KIRREL3: variants seen among roughly 807,000 people sequenced by gnomAD.
KIRREL3 encodes the protein kin of IRRE-like protein 3.
A neutral mutation model predicts 89.7 loss-of-function variants in KIRREL3; 36 were observed. The observed-to-expected ratio is 0.40, with a 90% CI of 0.31 to 0.53. The LOEUF (loss-of-function observed/expected upper bound fraction) is 0.53. KIRREL3 is among the 20% of genes least tolerant of loss of function. The pLI is 0.49. For synonymous variants in KIRREL3, 445 were observed against 441.4 expected, an observed-to-expected ratio of 1.01 and a Z score of -0.10; for missense variants, 864 against 1,056.6, an observed-to-expected ratio of 0.82 and a Z score of 2.53.
chr11:126,437,588 C>A (rs1955405107), intron 11 of KIRREL3, among the ~76,000 whole-genome samples: 1 of 152,172 alleles, frequency 6.6e-6, no homozygotes, highest in Non-Finnish European at 1.5e-5. Flanking sequence ...GTGCACATGT[C>A]ACAACATGCA....
rs1486173980 is a variant in KIRREL3 at position 126,843,404 on chromosome 11, T to G, written c.55+157051A>C. Among the ~76,000 whole-genome samples the G allele has an allele frequency of 1.3e-5, 2 of 151,668 alleles. No homozygotes were observed. The highest frequency in any genetic ancestry group is 2.9e-5 in the Non-Finnish European group (2 of 67,932). On this transcript the variant is annotated intron_variant, in intron 1 of 16. Coordinates refer to ENST00000525144, the MANE Select transcript of KIRREL3 (RefSeq NM_032531.4). This position sits in a 1 kb window ranked among gnomAD's most constrained non-coding sequence, Gnocchi z 4.6. ...AGTGAGATTTCATGGGAGGTTGGAG[T>G]GGGTGAGCTCACTCACTCTGCCGTA...
At chr11:126,465,715 G>C (rs979286290) in intron 5 of KIRREL3, among the ~76,000 whole-genome samples, 1 of 152,202 alleles carries the variant, frequency 6.6e-6, no homozygotes, top group African/African-American at 2.4e-5. Flanking sequence ...GGCTGGAGGA[G>C]AGTGACGTGG....
At position 126,477,127 on chromosome 11, in the gene KIRREL3, C is replaced by T. The variant is rs964797752; in HGVS notation, c.434-3661G>A. Among the ~76,000 whole-genome samples the T allele has an allele frequency of 3.3e-5, 5 of 152,266 alleles. No homozygotes were observed. Among genetic ancestry groups the T allele is most frequent in the Non-Finnish European group, 5.9e-5 (4 of 68,048 alleles). ...TGGAAGCCAGCCTAAGAGGCCACAG[C>T]GCGGCCTTAGCCGGGGGTGGCTGAG... On this transcript the variant is annotated intron_variant, in intron 4 of 16. Coordinates refer to ENST00000525144, the MANE Select transcript of KIRREL3 (RefSeq NM_032531.4). This position sits in a 1 kb window ranked among gnomAD's most constrained non-coding sequence, Gnocchi z 4.8.
In KIRREL3 at chr11:126,771,079, C is replaced by T. The variant is rs543416635; in HGVS notation, c.56-208167G>A. Reference sequence around the variant, plus strand: ...TTGAACTCCTGACCTCAGGGTGATCCGCTTGCCTTGGCATCCCAAAGTCCT... The same window carrying T: ...TTGAACTCCTGACCTCAGGGTGATCTGCTTGCCTTGGCATCCCAAAGTCCT... On this transcript the variant is annotated intron_variant, in intron 1 of 16. Coordinates refer to ENST00000525144, the MANE Select transcript of KIRREL3 (RefSeq NM_032531.4). This position sits in a 1 kb window ranked among gnomAD's most constrained non-coding sequence, Gnocchi z 4.4. Among the ~76,000 whole-genome samples the T allele has an allele frequency of 1.8e-4, 28 of 152,152 alleles. No individual in the cohort carries two copies. The highest frequency in any genetic ancestry group is 6.5e-4 in the African/African-American group (27 of 41,422).
At chr11:126,722,360 T>C (rs1402863155) in intron 1 of KIRREL3, among the ~76,000 whole-genome samples, 1 of 152,264 alleles carries the variant, frequency 6.6e-6, no homozygotes, top group African/African-American at 2.4e-5. Flanking sequence ...TTTTCCCTAC[T>C]GAAATTTGAA....
chr11:126,524,298 G>A (rs562064307), intron 3 of KIRREL3, among the ~76,000 whole-genome samples: 2 of 152,324 alleles, frequency 1.3e-5, no homozygotes, highest in African/African-American at 4.8e-5. Context: ...GTCTATAAAT[G>A]CCAATTTAAA....
chr11:126,841,117 T>A (rs1943949977), intron 1 of KIRREL3, among the ~76,000 whole-genome samples: 1 of 152,152 alleles, frequency 6.6e-6, no homozygotes, highest in Non-Finnish European at 1.5e-5. Context: ...AAGAACATAG[T>A]GTATATAGGG....
chr11:126,902,364 A>C (rs1946407056), intron 1 of KIRREL3, among the ~76,000 whole-genome samples: 1 of 152,218 alleles, frequency 6.6e-6, no homozygotes, highest in Admixed American at 6.5e-5. Flanking sequence ...GCTTACATTT[A>C]TTCCAATTCT....
Position 126,990,670 on chromosome 11 carries a change from T to C in KIRREL3, c.55+9785A>G, listed in dbSNP as rs1233764926. Among the ~76,000 whole-genome samples, 1 of 152,154 alleles carries C rather than the reference T, an allele frequency of 6.6e-6. No individual in the cohort carries two copies. The highest frequency in any genetic ancestry group is 1.9e-4 in the East Asian group (1 of 5,184). On this transcript the variant is annotated intron_variant, in intron 1 of 16. Transcript: ENST00000525144. The surrounding 1 kb of genome is among the most constrained non-coding windows in gnomAD (Gnocchi z 6.3). The stretch of plus-strand genomic sequence containing the variant: ...TCCTCTCTGCCTCCGCAGTTGCCCC[T>C]CACTCAGGTGCAGCTTCCTATGTAA...
intron 4 of KIRREL3, among the ~76,000 whole-genome samples, chr11:126,487,836 A>T (rs1467077947): frequency 6.6e-6 from 1 of 152,230 alleles, no homozygotes; most frequent in Non-Finnish European, 1.5e-5. Flanking sequence ...AGACAACTCC[A>T]GAGTGGAACT....
At chr11:126,951,295 C>T (rs1174252989) in intron 1 of KIRREL3, among the ~76,000 whole-genome samples, 1 of 152,160 alleles carries the variant, frequency 6.6e-6, no homozygotes, top group Admixed American at 6.5e-5. Flanking sequence ...CGAGTACATC[C>T]GTTGAGATGC....
At position 126,490,792 on chromosome 11, in the gene KIRREL3, G is replaced by GCGAGT. The variant is rs1167991085; in HGVS notation, c.434-17331_434-17327dup. Among the ~76,000 whole-genome samples the GCGAGT allele has an allele frequency of 2.6e-5, 4 of 152,066 alleles. No individual in the cohort carries two copies. Among genetic ancestry groups the GCGAGT allele is most frequent in the Non-Finnish European group, 5.9e-5 (4 of 68,028 alleles). ...AATGGGTCTGCCTTCTTCATCTCTTGCGAGTCTGGGACTCCAAGGGCCGAG... is the reference window on the plus strand; with the variant it reads ...AATGGGTCTGCCTTCTTCATCTCTTGCGAGTCGAGTCTGGGACTCCAAGGGCCGAG... On this transcript the variant is annotated intron_variant, in intron 4 of 16. Coordinates refer to ENST00000525144, the MANE Select transcript of KIRREL3 (RefSeq NM_032531.4). This position sits in a 1 kb window ranked among gnomAD's most constrained non-coding sequence, Gnocchi z 4.2.
chr11:126,537,253 G>C lies in KIRREL3; in HGVS notation c.134-10566C>G, dbSNP rs901801294. ...GTGTGGGCAGCCCAGCTGAAACCCTGCCTGCACCCCTCAACTCTCAGGACA... is the reference window on the plus strand; with the variant it reads ...GTGTGGGCAGCCCAGCTGAAACCCTCCCTGCACCCCTCAACTCTCAGGACA... On this transcript the variant is annotated intron_variant, in intron 2 of 16. Coordinates refer to ENST00000525144, the MANE Select transcript of KIRREL3 (RefSeq NM_032531.4). The surrounding 1 kb of genome is among the most constrained non-coding windows in gnomAD (Gnocchi z 4.3). Among the ~76,000 whole-genome samples the C allele has an allele frequency of 9.2e-5, 14 of 152,172 alleles. No homozygotes were observed. Among genetic ancestry groups the C allele is most frequent in the African/African-American group, 3.4e-4 (14 of 41,438 alleles).
At chr11:127,001,123 A>G (rs1369873923), upstream of KIRREL3, 2 of 153,734 alleles carry the variant, frequency 1.3e-5, no homozygotes, top group African/African-American at 4.8e-5. Flanking sequence ...ATGCATGTGC[A>G]CAAAAACATG....
intron 1 of KIRREL3, among the ~76,000 whole-genome samples, chr11:126,789,014 C>T (rs760981493): frequency 2.0e-5 from 3 of 152,138 alleles, no homozygotes; most frequent in Non-Finnish European, 4.4e-5. Context: ...CCCTTCCTTC[C>T]TGCTCCCATA....
intron 7 of KIRREL3, among the ~76,000 whole-genome samples, chr11:126,452,961 C>T (rs963048825): frequency 6.6e-6 from 1 of 152,170 alleles, no homozygotes; most frequent in African/African-American, 2.4e-5. Context: ...AGGCCAAGAG[C>T]TAAAGAGTGA....
At chr11:126,992,257 G>A (rs192099358) in intron 1 of KIRREL3, among the ~76,000 whole-genome samples, 1 of 152,290 alleles carries the variant, frequency 6.6e-6, no homozygotes, top group Admixed American at 6.5e-5. Flanking sequence ...TACAGTTGGA[G>A]AGGTTTTGGA....
Position 126,505,714 on chromosome 11 carries a change from C to A in KIRREL3, c.433+15601G>T, listed in dbSNP as rs1957996587. ...AAGAAAATTTCATTCACAGTAGCAT[C>A]AAAAATAATAAAATGCTTAGGGATA... On this transcript the variant is annotated intron_variant, in intron 4 of 16. Transcript: ENST00000525144. Among the ~76,000 whole-genome samples the A allele has an allele frequency of 3.3e-5, 5 of 152,032 alleles. No homozygotes were observed. In the South Asian group the frequency reaches 1.0e-3, roughly 32 times the overall value.
intron 1 of KIRREL3, among the ~76,000 whole-genome samples, chr11:126,790,530 G>A (rs566948624): frequency 3.3e-5 from 5 of 152,246 alleles, no homozygotes; most frequent in African/African-American, 1.2e-4. Context: ...AATATAGTTA[G>A]TGCTCAATTC....
Sources: gnomAD v4.1 joint callset for allele counts (sites outside exome capture counted in the v4.1 genomes callset) on GRCh38, gnomAD v4.1.1 for gene constraint, Gnocchi (gnomAD v3.1) non-coding constraint, MANE v1.5 for transcripts, NCBI Gene and HGNC (gene_info 2026-07-23, HGNC 2026-07-21) for gene names.